TANGO6: variants seen among roughly 807,000 people sequenced by gnomAD.
The protein encoded by TANGO6 is transport and Golgi organization protein 6 homolog.
TANGO6 carries 90 observed loss-of-function variants against 114.2 expected under a neutral mutation model. That is an observed-to-expected ratio of 0.79 (90% CI 0.66 to 0.94). The LOEUF is 0.94. Ranked by LOEUF, TANGO6 falls within the 40% of genes least tolerant of loss-of-function variation. The probability of loss-of-function intolerance (pLI) is 0.00; values close to 1 mark genes in which losing one functional copy is unlikely to be tolerated. For missense variants in TANGO6, 1,274 were observed against 1,315.3 expected, an observed-to-expected ratio of 0.97 and a Z score of 0.49; for synonymous variants, 477 against 509.8, an observed-to-expected ratio of 0.94 and a Z score of 0.87.
chr16:69,033,964 G>A (rs1473462140), intron 16 of TANGO6: 1 of 153,510 alleles, frequency 6.5e-6, no homozygotes, highest in Non-Finnish European at 1.5e-5. Context: ...TCATGGGTGA[G>A]GTTTTAAAGA....
chr16:68,897,525 C>G (rs1313881850), intron 7 of TANGO6, among the ~76,000 whole-genome samples: 1 of 150,642 alleles, frequency 6.6e-6, no homozygotes. Flanking sequence ...AGTACTTGTT[C>G]ATTATAAGAA....
At chr16:68,925,915 A>G (rs1597023188) in intron 12 of TANGO6, among the ~76,000 whole-genome samples, 1 of 150,756 alleles carries the variant, frequency 6.6e-6, no homozygotes, top group East Asian at 1.9e-4. Flanking sequence ...AAAAGAAAAA[A>G]GAAACTGTAT....
At chr16:68,945,551 C>T (rs2048012542) in intron 14 of TANGO6, among the ~76,000 whole-genome samples, 2 of 152,096 alleles carry the variant, frequency 1.3e-5, no homozygotes, top group Admixed American at 1.3e-4. Context: ...TTCACATAGC[C>T]ACCCTAATGG....
rs184887304 is a variant in TANGO6, at chr16:69,014,864, C to G, written c.2843-7964C>G. On this transcript the variant is annotated intron_variant, in intron 15 of 17. Transcript: ENST00000261778. ...TGAGTTATGATTGCACCACTGCACTCTAGCCTGGGTGACAGAACAAGACCT... is the reference window on the plus strand; with the variant it reads ...TGAGTTATGATTGCACCACTGCACTGTAGCCTGGGTGACAGAACAAGACCT... Among the ~76,000 whole-genome samples the G allele has an allele frequency of 2.5e-4, 38 of 149,422 alleles. 1 individual carries two copies. Among genetic ancestry groups the G allele is most frequent in the Middle Eastern group, 3.5e-3 (1 of 286 alleles).
At chr16:68,866,513 C>G (rs945480633) in intron 3 of TANGO6, among the ~76,000 whole-genome samples, 15 of 150,872 alleles carry the variant, frequency 9.9e-5, no homozygotes, top group Admixed American at 8.6e-4. Flanking sequence ...GTCCCAGCTA[C>G]TCGGGAGGCT....
chr16:68,984,056 A>G (rs977854083), intron 15 of TANGO6, among the ~76,000 whole-genome samples: 4 of 151,624 alleles, frequency 2.6e-5, no homozygotes, highest in African/African-American at 7.3e-5. Flanking sequence ...AAAAAAAAAG[A>G]AAAATAGCTT....
chr16:69,008,476 G>A (rs755364390), intron 15 of TANGO6, among the ~76,000 whole-genome samples: 1 of 152,116 alleles, frequency 6.6e-6, no homozygotes, highest in Non-Finnish European at 1.5e-5. Flanking sequence ...TGAACTCTGG[G>A]CCTCAAGCAA....
At chr16:69,002,974 A>G (rs773576367) in intron 15 of TANGO6, among the ~76,000 whole-genome samples, 5 of 151,940 alleles carry the variant, frequency 3.3e-5, no homozygotes, top group Admixed American at 6.6e-5. Context: ...CCCGGGAGGT[A>G]GAGGTTGCAG....
Position 68,860,251 on chromosome 16 carries a change from C to T in TANGO6, c.462C>T (p.Thr154=). The T allele has an allele frequency of 1.2e-6, 2 of 1,613,952 alleles. No homozygotes were observed. Among genetic ancestry groups the T allele is most frequent in the East Asian group, 4.5e-5 (2 of 44,882 alleles). ...AGTTCGTTTTGCAGTTTGTAGTTAC[C>T]TTGGGTATCTGCCCCTATCTCATGC... ...TVQFVLQFVV[T]LGICPYLMPG... The change falls in exon 2 of 18, where the codon ACC becomes ACT. Residue 154 remains threonine, a synonymous_variant. Coordinates refer to ENST00000261778, the MANE Select transcript of TANGO6 (RefSeq NM_024562.2).
At chr16:68,949,338 T>C (rs749222684) in intron 14 of TANGO6, among the ~76,000 whole-genome samples, 7 of 152,086 alleles carry the variant, frequency 4.6e-5, no homozygotes, top group Non-Finnish European at 1.0e-4. Context: ...TAGCTTACCT[T>C]GGCCAGGCAT....
chr16:68,847,613 AAAT>A (rs1337476407), intron 1 of TANGO6, among the ~76,000 whole-genome samples: 4 of 152,226 alleles, frequency 2.6e-5, no homozygotes, highest in Non-Finnish European at 5.9e-5. Flanking sequence ...AACAAGAGGG[AAAT>A]AACACTCATT....
At chr16:68,872,759 C>T (rs540644877) in intron 4 of TANGO6, among the ~76,000 whole-genome samples, 3 of 151,452 alleles carry the variant, frequency 2.0e-5, no homozygotes, top group Non-Finnish European at 4.4e-5. Flanking sequence ...TGCAGTGGCG[C>T]GATCTCGGCT....
At chr16:68,915,986 G>A (rs1370770800) in intron 11 of TANGO6, among the ~76,000 whole-genome samples, 1 of 152,126 alleles carries the variant, frequency 6.6e-6, no homozygotes, top group Non-Finnish European at 1.5e-5. Flanking sequence ...GTGCATGCAT[G>A]TGTATTTGTG....
At chr16:68,968,780 C>T (rs1258440545) in intron 14 of TANGO6, among the ~76,000 whole-genome samples, 2 of 151,248 alleles carry the variant, frequency 1.3e-5, no homozygotes, top group Non-Finnish European at 2.9e-5. Flanking sequence ...ACGCCATTCT[C>T]CTGCCTCAGC....
Position 69,022,992 on chromosome 16 carries a change from G to T in TANGO6, c.2994+13G>T. On this transcript the variant is annotated intron_variant, in intron 16 of 17. Transcript: ENST00000261778. ...CGTGGTCCATGAGGTACTGTATTTTGATTCCTTTCTCTAAAGCGTGTTTTC... is the reference window on the plus strand; with the variant it reads ...CGTGGTCCATGAGGTACTGTATTTTTATTCCTTTCTCTAAAGCGTGTTTTC... 6.4e-7 allele frequency: 1 copy of T among 1,557,534 alleles called. No homozygotes were observed. Among genetic ancestry groups the T allele is most frequent in the South Asian group, 1.2e-5 (1 of 82,456 alleles).
At chr16:69,021,627 T>C (rs1337454089) in intron 15 of TANGO6, among the ~76,000 whole-genome samples, 1 of 152,148 alleles carries the variant, frequency 6.6e-6, no homozygotes, top group Non-Finnish European at 1.5e-5. Flanking sequence ...CGTTAAATAT[T>C]TGTCTAATAA....
intron 7 of TANGO6, among the ~76,000 whole-genome samples, chr16:68,897,579 A>G (rs1030956182): frequency 1.4e-5 from 2 of 141,636 alleles, no homozygotes; most frequent in Non-Finnish European, 3.1e-5. Context: ...AAATTAGCGG[A>G]TTTTTTTTTT....
intron 12 of TANGO6, among the ~76,000 whole-genome samples, chr16:68,919,504 A>C (rs1350422597): frequency 2.0e-5 from 3 of 152,072 alleles, no homozygotes; most frequent in Admixed American, 6.6e-5. Context: ...TTTGCATCTG[A>C]GGTGAATACT....
chr16:68,969,620 C>T (rs1343074210), intron 14 of TANGO6, among the ~76,000 whole-genome samples: 1 of 151,248 alleles, frequency 6.6e-6, no homozygotes, highest in Non-Finnish European at 1.5e-5. Flanking sequence ...GCTTTGGGAA[C>T]CTTTTTATGG....
Sources: gnomAD v4.1 joint callset for allele counts (sites outside exome capture counted in the v4.1 genomes callset) on GRCh38, gnomAD v4.1.1 for gene constraint, MANE v1.5 for transcripts, NCBI Gene and HGNC (gene_info 2026-07-23, HGNC 2026-07-21) for gene names.